Variants in RSPO3 observed in about 807,000 individuals in gnomAD.
RSPO3 encodes the protein R-spondin 3, also known as R-spondin-3.
RSPO3 carries 17 observed loss-of-function variants against 36.5 expected under a neutral mutation model. The ratio of observed to expected loss-of-function variants is 0.47; its 90% CI spans 0.32 to 0.70. The LOEUF is 0.70. Ranked by LOEUF, RSPO3 falls within the 30% of genes least tolerant of loss-of-function variation. The probability of loss-of-function intolerance (pLI) is 0.04; values close to 1 mark genes in which losing one functional copy is unlikely to be tolerated. For missense variants in RSPO3, 294 were observed against 322.5 expected (o/e 0.91, Z 0.68); for synonymous variants, 108 against 107.0 (o/e 1.01, Z -0.06).
At chr6:127,121,591 C>T (rs1054212341) in intron 1 of RSPO3, among the ~76,000 whole-genome samples, 1 of 152,218 alleles carries the variant, frequency 6.6e-6, no homozygotes, top group Non-Finnish European at 1.5e-5. Context: ...CTTGCGTCCT[C>T]GGAGGAGACA....
intron 4 of RSPO3, among the ~76,000 whole-genome samples, chr6:127,175,437 C>T (rs952356206): frequency 1.7e-4 from 26 of 151,752 alleles, no homozygotes; most frequent in African/African-American, 5.8e-4. Context: ...TCAGTGGTGG[C>T]ATATGGTTAA....
At chr6:127,179,924 A>G (rs376583883) in intron 4 of RSPO3, among the ~76,000 whole-genome samples, 1 of 151,868 alleles carries the variant, frequency 6.6e-6, no homozygotes, top group South Asian at 2.1e-4. Context: ...TTAAGGACTC[A>G]TGTAATTAAA....
At chr6:127,135,583 TC>T (rs2114556843) in intron 1 of RSPO3, among the ~76,000 whole-genome samples, 1 of 152,060 alleles carries the variant, frequency 6.6e-6, no homozygotes, top group East Asian at 1.9e-4. Flanking sequence ...TAAGGAGGGC[TC>T]CTAGATTTCT....
intron 1 of RSPO3, among the ~76,000 whole-genome samples, chr6:127,140,860 C>G (rs568599049): frequency 6.6e-6 from 1 of 152,156 alleles, no homozygotes; most frequent in East Asian, 1.9e-4. Flanking sequence ...GTTTGCATTG[C>G]TGGTGCTCTA....
At chr6:127,169,526 A>T (rs1184447046) in intron 4 of RSPO3, among the ~76,000 whole-genome samples, 2 of 152,030 alleles carry the variant, frequency 1.3e-5, no homozygotes, top group South Asian at 2.1e-4. Flanking sequence ...TCTTCCTCTT[A>T]TGTAGGAATA....
intron 4 of RSPO3, among the ~76,000 whole-genome samples, chr6:127,156,136 A>T (rs1034118350): frequency 2.0e-5 from 3 of 152,160 alleles, no homozygotes; most frequent in Non-Finnish European, 4.4e-5. Context: ...CAAAATCATT[A>T]ACGACATTTG....
At chr6:127,167,672 A>G (rs1774848652) in intron 4 of RSPO3, among the ~76,000 whole-genome samples, 1 of 152,002 alleles carries the variant, frequency 6.6e-6, no homozygotes, top group South Asian at 2.1e-4. Context: ...CAGGTTTGTT[A>G]CATATGTATA....
intron 4 of RSPO3, among the ~76,000 whole-genome samples, chr6:127,156,501 G>A (rs1774600194): frequency 6.6e-6 from 1 of 152,098 alleles, no homozygotes; most frequent in South Asian, 2.1e-4. Context: ...GTCTATAAAT[G>A]ATCTTCTCAA....
intron 1 of RSPO3, among the ~76,000 whole-genome samples, chr6:127,130,494 C>T (rs1380907958): frequency 2.6e-5 from 4 of 152,220 alleles, no homozygotes; most frequent in Non-Finnish European, 4.4e-5. Context: ...TGGAAATCTC[C>T]AGGTATCATC....
intron 1 of RSPO3, among the ~76,000 whole-genome samples, chr6:127,134,933 T>G (rs1774123988): frequency 6.6e-6 from 1 of 152,188 alleles, no homozygotes; most frequent in East Asian, 1.9e-4. Context: ...TGCTTTTCAT[T>G]AAGCCTGTAA....
intron 4 of RSPO3, among the ~76,000 whole-genome samples, chr6:127,160,934 TTC>T (rs1445896690): frequency 1.3e-5 from 2 of 152,188 alleles, no homozygotes; most frequent in Non-Finnish European, 2.9e-5. Context: ...ATATGACTTA[TTC>T]TCTGTTTTTA....
At chr6:127,130,066 T>A (rs139864057) in intron 1 of RSPO3, among the ~76,000 whole-genome samples, 2 of 152,160 alleles carry the variant, frequency 1.3e-5, no homozygotes, top group Non-Finnish European at 2.9e-5. Context: ...AGAAACATGG[T>A]GTTGTAAGTA....
At chr6:127,175,357 C>CAGT (rs1775031005) in intron 4 of RSPO3, among the ~76,000 whole-genome samples, 1 of 151,488 alleles carries the variant, frequency 6.6e-6, no homozygotes, top group Non-Finnish European at 1.5e-5. Flanking sequence ...TATTGAAAAC[C>CAGT]AGTAAGTAAA....
chr6:127,126,380 G>A (rs1229032462), intron 1 of RSPO3, among the ~76,000 whole-genome samples: 1 of 152,004 alleles, frequency 6.6e-6, no homozygotes, highest in Non-Finnish European at 1.5e-5. Flanking sequence ...TCTTGGTAAT[G>A]TCAAAATAAC....
In RSPO3 at chr6:127,197,290, T is replaced by G. The variant is rs1376145182; in HGVS notation, c.*1283T>G. ...AATCAACATTCTAATTATAGACACA[T>G]GGGCCTCCCTAGCTGATTTCACTGC... On this transcript the variant is annotated 3_prime_UTR_variant, in exon 5 of 5. Transcript: ENST00000356698. The G allele has an allele frequency of 1.9e-6, 2 of 1,058,740 alleles. No individual in the cohort carries two copies. Among genetic ancestry groups the G allele is most frequent in the African/African-American group, 1.6e-5 (1 of 62,816 alleles). The allele number at this position is 1,058,740 out of a possible 1,614,324, so 65.6% of individuals were successfully genotyped here.
intron 1 of RSPO3, among the ~76,000 whole-genome samples, chr6:127,136,590 C>T (rs943565623): frequency 1.3e-5 from 2 of 152,104 alleles, no homozygotes; most frequent in African/African-American, 4.8e-5. Context: ...TCTCAACACC[C>T]TTTTGGAATG....
At chr6:127,171,595 T>C (rs1011921083) in intron 4 of RSPO3, among the ~76,000 whole-genome samples, 3 of 151,810 alleles carry the variant, frequency 2.0e-5, no homozygotes, top group Non-Finnish European at 4.4e-5. Context: ...ACATAACCTT[T>C]AGCTTGTTGT....
At chr6:127,135,416 TAAAAAAA>T (rs35739572) in intron 1 of RSPO3, among the ~76,000 whole-genome samples, 6 of 95,240 alleles carry the variant, frequency 6.3e-5, no homozygotes, top group African/African-American at 2.4e-4. Flanking sequence ...TGAGAATCCA[TAAAAAAA>T]AAAAAAAAAA....
chr6:127,188,591 T>C (rs1775344782), intron 4 of RSPO3, among the ~76,000 whole-genome samples: 1 of 147,340 alleles, frequency 6.8e-6, no homozygotes, highest in Non-Finnish European at 1.5e-5. Flanking sequence ...TCAAGTTACA[T>C]ATATATATAT....
Sources: allele counts gnomAD v4.1 joint callset (sites outside exome capture counted in the v4.1 genomes callset), GRCh38; gene constraint gnomAD v4.1.1; transcripts MANE v1.5; gene names NCBI Gene and HGNC (gene_info 2026-07-23, HGNC 2026-07-21).